Variants in SLCO6A1 observed in about 807,000 individuals in gnomAD.
The protein encoded by SLCO6A1 is solute carrier organic anion transporter family member 6A1.
SLCO6A1 carries 65 observed loss-of-function variants against 72.7 expected under a neutral mutation model. The ratio of observed to expected loss-of-function variants is 0.89; its 90% CI spans 0.73 to 1.10. SLCO6A1 has a LOEUF of 1.10. Among genes scored for constraint, SLCO6A1 ranks in the 50% least tolerant of loss-of-function variants. SLCO6A1 has a pLI of 0.00. For synonymous variants in SLCO6A1, 314 were observed against 298.2 expected (o/e 1.05, Z -0.55); for missense variants, 874 against 872.6 (o/e 1.00, Z -0.02).
chr5:102,416,525 T>G (rs1341052325), intron 8 of SLCO6A1, among the ~76,000 whole-genome samples: 1 of 151,984 alleles, frequency 6.6e-6, no homozygotes, highest in Admixed American at 6.6e-5. Flanking sequence ...GAGCTAAAAC[T>G]TGTGTACCCA....
At position 102,419,844 on chromosome 5, in the gene SLCO6A1, A is replaced by G. The variant is rs1326096313; in HGVS notation, c.1454T>C (p.Ile485Thr). The G allele has an allele frequency of 1.9e-5, 30 of 1,598,838 alleles. No homozygotes were observed. The highest frequency in any genetic ancestry group is 2.2e-5 in the Non-Finnish European group (26 of 1,175,928). ...VRCNPVQFAG[I>T]NEDYDGTGKL... ...CATTTACCCATCATAATCTTCATTG[A>G]TCCCAGCAAATTGCACTGGATTACA... is the stretch of plus-strand genomic sequence containing the variant. Residue 485 changes from isoleucine to threonine, a missense_variant, in exon 8 of 14, where the codon ATC becomes ACC. By Grantham distance (89) the Ile-to-Thr change is moderately conservative. Transcript: ENST00000506729.
chr5:102,388,948 G>C, intron 11 of SLCO6A1, 123 bp from the exon 12 acceptor site: 1 of 829,578 alleles, frequency 1.2e-6, no homozygotes, highest in Non-Finnish European at 1.8e-6. Context: ...CTTAAAATTA[G>C]CTAATAATTT....
intron 1 of SLCO6A1, among the ~76,000 whole-genome samples, chr5:102,487,982 A>G (rs1357577151): frequency 6.6e-6 from 1 of 152,250 alleles, no homozygotes; most frequent in East Asian, 1.9e-4. Flanking sequence ...GCTTGTTTAA[A>G]TAAACTATTA....
At chr5:102,474,520 T>A (rs1337641308) in intron 4 of SLCO6A1, among the ~76,000 whole-genome samples, 1 of 151,976 alleles carries the variant, frequency 6.6e-6, no homozygotes, top group Non-Finnish European at 1.5e-5. Context: ...ATTTGACAAT[T>A]ATTTTTTGGA....
At chr5:102,471,290 C>T (rs988097328) in intron 4 of SLCO6A1, among the ~76,000 whole-genome samples, 2 of 152,016 alleles carry the variant, frequency 1.3e-5, no homozygotes, top group Non-Finnish European at 2.9e-5. Flanking sequence ...CTCTAAGTCT[C>T]TAACTACCCA....
intron 4 of SLCO6A1, among the ~76,000 whole-genome samples, chr5:102,462,744 A>G (rs371284555): frequency 2.0e-5 from 3 of 152,284 alleles, no homozygotes; most frequent in East Asian, 3.9e-4. Context: ...CTCAAGTCTT[A>G]CCTTATTGTC....
chr5:102,395,632 G>C (rs895607655), intron 10 of SLCO6A1, among the ~76,000 whole-genome samples: 15 of 152,064 alleles, frequency 9.9e-5, no homozygotes, highest in Non-Finnish European at 7.4e-5. Context: ...TTCCACAATG[G>C]TTGAACTAGT....
Position 102,388,273 on chromosome 5 carries a change from A to G in SLCO6A1, c.2017+415T>C, listed in dbSNP as rs545238913. On this transcript the variant is annotated intron_variant, in intron 12 of 13. Coordinates refer to ENST00000506729, the MANE Select transcript of SLCO6A1 (RefSeq NM_173488.5). ...ATATTTAACTCACTGACTCAAATAC[A>G]TAAATTCTATGGTACTTTAGTTTCT... 1.7e-4 allele frequency among the ~76,000 whole-genome samples: 26 copies of G among 152,308 alleles called. 1 individual carries two copies. The South Asian group carries it at 5.0e-3, about 29-fold the overall frequency.
intron 10 of SLCO6A1, among the ~76,000 whole-genome samples, chr5:102,397,700 C>G (rs1345968550): frequency 6.6e-6 from 1 of 152,114 alleles, no homozygotes; most frequent in African/African-American, 2.4e-5. Context: ...GTTAGAGATA[C>G]CTGTGATCTG....
In SLCO6A1 at chr5:102,480,386, T is replaced by G. The variant is rs764030334; in HGVS notation, c.407A>C (p.Glu136Ala). Residue 136 changes from glutamate (E) to alanine (A), a missense_variant, in exon 2 of 14, where the codon GAA becomes GCA. Glu to Ala is a moderately radical substitution (Grantham distance 107). Transcript: ENST00000506729. ...IDVSIGDFQKEYQLKTIEKLA... is the reference protein window; with the variant it reads ...IDVSIGDFQKAYQLKTIEKLA... ...CTTCTCAATGGTTTTCAGTTGATAT[T>G]CCTTCTGAAAATCGCCAATGCTGAC... 4 of 1,613,398 alleles carry G rather than the reference T, an allele frequency of 2.5e-6. No individual in the cohort carries two copies. The highest frequency in any genetic ancestry group is 3.4e-6 in the Non-Finnish European group (4 of 1,179,574).
intron 12 of SLCO6A1, among the ~76,000 whole-genome samples, chr5:102,378,719 A>G (rs1745941483): frequency 6.6e-6 from 1 of 152,044 alleles, no homozygotes; most frequent in South Asian, 2.1e-4. Context: ...TCATTGTTGT[A>G]CAAAATGCCA....
intron 10 of SLCO6A1, 55 bp downstream of exon 10, chr5:102,399,500 A>T: frequency 8.8e-7 from 1 of 1,137,674 alleles, no homozygotes; most frequent in Non-Finnish European, 1.1e-6. Context: ...AATCTTTCCA[A>T]AATTACTTTT....
At chr5:102,393,367 T>C (rs1009180188) in intron 10 of SLCO6A1, among the ~76,000 whole-genome samples, 1 of 152,124 alleles carries the variant, frequency 6.6e-6, no homozygotes, top group African/African-American at 2.4e-5. Context: ...TTTGCCCCCA[T>C]CACCCTCCAT....
At chr5:102,401,392 G>C (rs10479213) in intron 9 of SLCO6A1, among the ~76,000 whole-genome samples, 10,881 of 152,154 alleles carry the variant, frequency 0.072, 447 homozygotes, top group African/African-American at 0.1. Flanking sequence ...TTTATTTTTA[G>C]TGATGTGAAG....
chr5:102,414,924 TAAA>T (rs377218936), intron 8 of SLCO6A1, among the ~76,000 whole-genome samples: 8,000 of 151,248 alleles, frequency 0.053, 336 homozygotes, highest in South Asian at 0.16. Flanking sequence ...AATAAATAAA[TAAA>T]TAAATAAATA....
rs185437216 is a variant in SLCO6A1 at position 102,470,328 on chromosome 5, G to A, written c.899+5369C>T. 1.2e-4 allele frequency among the ~76,000 whole-genome samples: 19 copies of A among 152,006 alleles called. No homozygotes were observed. In the East Asian group the frequency reaches 2.7e-3, roughly 22 times the overall value. On this transcript the variant is annotated intron_variant, in intron 4 of 13. Coordinates refer to ENST00000506729, the MANE Select transcript of SLCO6A1 (RefSeq NM_173488.5). ...TTGGTAGGCTATTAATTATTGCCTC[G>A]ATTTCAGAACCTGTTATTGGTCTAT...
At position 102,373,368 on chromosome 5, in the gene SLCO6A1, T is replaced by C. The variant is rs773495931; in HGVS notation, c.2144A>G (p.Glu715Gly). Residue 715 changes from glutamate (E) to glycine (G), a missense_variant, in exon 13 of 14, where the codon GAA becomes GGA. Physicochemically the swap from Glu to Gly is moderately conservative, Grantham distance 98. Transcript: ENST00000506729. Reference protein sequence around the residue: ...TVKNPKVKKKEETDL With the variant: ...TVKNPKVKKKGETDL ...ATGATCCAGTTACAAGTCAGTTTCT[T>C]CTTTTTTCTTAACTTTTGGATTCTT... 3 of 1,564,532 alleles carry C rather than the reference T, an allele frequency of 1.9e-6. No individual in the cohort carries two copies. Among genetic ancestry groups the C allele is most frequent in the Non-Finnish European group, 2.6e-6 (3 of 1,160,106 alleles).
chr5:102,473,821 T>TAA (rs1426878495), intron 4 of SLCO6A1, among the ~76,000 whole-genome samples: 1 of 151,928 alleles, frequency 6.6e-6, no homozygotes, highest in African/African-American at 2.4e-5. Flanking sequence ...CAAATATCAG[T>TAA]TGTGTTTCCA....
intron 1 of SLCO6A1, among the ~76,000 whole-genome samples, chr5:102,481,356 A>T (rs918676993): frequency 3.3e-4 from 50 of 152,270 alleles, no homozygotes; most frequent in African/African-American, 1.1e-3. Context: ...CATCACATTT[A>T]TTCCTGAGCA....
Sources: gnomAD v4.1 joint callset for allele counts (sites outside exome capture counted in the v4.1 genomes callset) on GRCh38, gnomAD v4.1.1 for gene constraint, MANE v1.5 for transcripts, NCBI Gene and HGNC (gene_info 2026-07-23, HGNC 2026-07-21) for gene names.